Variants in RCSD1 observed in about 807,000 individuals in gnomAD.
RCSD1 encodes capZ-interacting protein.
Under a neutral mutation model 42.5 loss-of-function variants are expected in RCSD1, and 26 were observed. That is an observed-to-expected ratio of 0.61 (90% CI 0.45 to 0.85). RCSD1 has a LOEUF of 0.85. RCSD1 is among the 40% of genes least tolerant of loss of function. The pLI is 0.00. For synonymous variants in RCSD1, 220 were observed against 212.2 expected (o/e 1.04, Z -0.32); for missense variants, 571 against 528.3 (o/e 1.08, Z -0.79).
At chr1:167,679,300 G>T (rs1318137247) in intron 1 of RCSD1, among the ~76,000 whole-genome samples, 4 of 152,226 alleles carry the variant, frequency 2.6e-5, no homozygotes, top group Non-Finnish European at 5.9e-5. Context: ...ATCAAAGGCT[G>T]TAAGGACAGT....
Position 167,630,307 on chromosome 1 carries a change from C to T in RCSD1, c.-117C>T. The T allele has an allele frequency of 8.4e-7, 1 of 1,185,670 alleles. No individual in the cohort carries two copies. The allele number at this position is 1,185,670 out of a possible 1,614,324, so 73.4% of individuals were successfully genotyped here. A position where few individuals can be genotyped will look rare whatever the true frequency, so the allele number is the denominator to read the frequency against. ...CGGGCGCGCGCCACCGCCCACTCGC[C>T]CTGTGCCCGCCGCAGCCCGAAACTG... On this transcript the variant is annotated 5_prime_UTR_variant, in exon 1 of 7. Coordinates refer to ENST00000367854, the MANE Select transcript of RCSD1 (RefSeq NM_052862.4).
intron 1 of RCSD1, among the ~76,000 whole-genome samples, chr1:167,635,777 GCCAT>G (rs1255631825): frequency 1.3e-5 from 2 of 152,162 alleles, no homozygotes; most frequent in Non-Finnish European, 2.9e-5. Context: ...ACTGCCCTCT[GCCAT>G]ATGGTAAAGG....
At chr1:167,667,538 G>C (rs1271707147) in intron 1 of RCSD1, among the ~76,000 whole-genome samples, 1 of 152,310 alleles carries the variant, frequency 6.6e-6, no homozygotes, top group African/African-American at 2.4e-5. Context: ...TCTAGGATAG[G>C]TTGGGTTGTT....
At chr1:167,689,709 A>C (rs1345951410) in intron 3 of RCSD1, among the ~76,000 whole-genome samples, 1 of 152,106 alleles carries the variant, frequency 6.6e-6, no homozygotes, top group East Asian at 1.9e-4. Flanking sequence ...CAAATTGTTG[A>C]TTCACAGTGT....
At chr1:167,690,688 A>C (rs1659355309) in intron 4 of RCSD1, among the ~76,000 whole-genome samples, 1 of 152,056 alleles carries the variant, frequency 6.6e-6, no homozygotes, top group African/African-American at 2.4e-5. Flanking sequence ...AACGAAAAGA[A>C]AAAAAAAGAG....
chr1:167,651,763 G>A (rs1658312962), intron 1 of RCSD1, among the ~76,000 whole-genome samples: 1 of 152,192 alleles, frequency 6.6e-6, no homozygotes. Flanking sequence ...CCAAGACAGA[G>A]GAGAAGAGGG....
intron 1 of RCSD1, among the ~76,000 whole-genome samples, chr1:167,679,583 C>T (rs1180931239): frequency 6.6e-6 from 1 of 152,234 alleles, no homozygotes; most frequent in East Asian, 1.9e-4. Context: ...AAGAAGCAAA[C>T]ATACCTCAGA....
Position 167,694,165 on chromosome 1 carries a change from G to A in RCSD1, c.337G>A (p.Ala113Thr). The A allele has an allele frequency of 6.2e-7, 1 of 1,614,198 alleles. No homozygotes were observed. Among genetic ancestry groups the A allele is most frequent in the Non-Finnish European group, 8.5e-7 (1 of 1,180,042 alleles). The change falls in exon 5 of 7, where the codon GCT (alanine) becomes ACT (threonine). Residue 113 changes from alanine (A) to threonine (T), a missense_variant. Transcript: ENST00000367854. The stretch of plus-strand genomic sequence containing the variant: ...CTCACCCAAGAGTCCTGGACTCAAG[G>A]CTATGGTGTCGCCATTTCACAGCCC... ...GASPKSPGLKAMVSPFHSPPS... is the reference protein window; with the variant it reads ...GASPKSPGLKTMVSPFHSPPS...
chr1:167,705,254 T>G lies in RCSD1; in HGVS notation c.*558T>G, dbSNP rs1263473983. The stretch of plus-strand genomic sequence containing the variant: ...ATTGTATCAAAACCCTAGAGACAAC[T>G]TTTCAATTTGATCCAAATTTGAACT... On this transcript the variant is annotated 3_prime_UTR_variant, in exon 7 of 7. Coordinates refer to ENST00000367854, the MANE Select transcript of RCSD1 (RefSeq NM_052862.4). 1 of 152,244 alleles carries G rather than the reference T, an allele frequency of 6.6e-6. No homozygotes were observed. Among genetic ancestry groups the G allele is most frequent in the Non-Finnish European group, 1.5e-5 (1 of 68,110 alleles). 9.4% of individuals were successfully genotyped at this position (152,244 alleles called of 1,614,324 possible).
intron 1 of RCSD1, among the ~76,000 whole-genome samples, chr1:167,669,327 C>T (rs1658746293): frequency 6.6e-6 from 1 of 152,230 alleles, no homozygotes; most frequent in Admixed American, 6.5e-5. Context: ...TCTGCCATTA[C>T]CTTGATAATG....
At chr1:167,673,182 GAGA>G (rs1261385442) in intron 1 of RCSD1, among the ~76,000 whole-genome samples, 1 of 152,218 alleles carries the variant, frequency 6.6e-6, no homozygotes, top group Non-Finnish European at 1.5e-5. Flanking sequence ...ATAAGAAGAA[GAGA>G]AGAAGAACAA....
chr1:167,704,642 T>G (rs541317251), intron 6 of RCSD1, 22 bp from the exon 7 acceptor site: 1 of 1,609,694 alleles, frequency 6.2e-7, no homozygotes, highest in South Asian at 1.1e-5. Context: ...TCCTAATTAA[T>G]TCTTTCCTCC....
intron 1 of RCSD1, among the ~76,000 whole-genome samples, chr1:167,660,979 TA>T (rs1383910505): frequency 2.0e-5 from 3 of 152,242 alleles, no homozygotes; most frequent in Admixed American, 6.5e-5. Flanking sequence ...TGAATCTTCT[TA>T]AATCTCATTG....
intron 1 of RCSD1, among the ~76,000 whole-genome samples, chr1:167,634,333 A>G (rs1188751565): frequency 1.3e-5 from 2 of 152,118 alleles, no homozygotes; most frequent in Non-Finnish European, 2.9e-5. Flanking sequence ...GGCACCAAGA[A>G]AGGCTTGTTG....
intron 1 of RCSD1, among the ~76,000 whole-genome samples, chr1:167,674,282 G>A (rs1658885803): frequency 6.6e-6 from 1 of 152,166 alleles, no homozygotes; most frequent in Non-Finnish European, 1.5e-5. Context: ...AGACTGCTCA[G>A]ATGTGTCTGC....
chr1:167,643,467 G>A (rs1484098343), intron 1 of RCSD1, among the ~76,000 whole-genome samples: 1 of 152,200 alleles, frequency 6.6e-6, no homozygotes, highest in Non-Finnish European at 1.5e-5. Context: ...GTACTTTCCC[G>A]TATCTGTTCA....
chr1:167,652,018 C>CTTTTTT (rs66622527), intron 1 of RCSD1, among the ~76,000 whole-genome samples: 44 of 108,092 alleles, frequency 4.1e-4, no homozygotes, highest in South Asian at 9.4e-4. Flanking sequence ...CTCTGTTCAT[C>CTTTTTT]TTTTTTTTTT....
intron 1 of RCSD1, among the ~76,000 whole-genome samples, chr1:167,666,068 T>G (rs1325614028): frequency 6.6e-6 from 1 of 152,208 alleles, no homozygotes; most frequent in African/African-American, 2.4e-5. Flanking sequence ...TGCCTCAGCC[T>G]CCCAAAGTGC....
Position 167,683,950 on chromosome 1 carries a change from G to A in RCSD1, c.57G>A (p.Ser19=), listed in dbSNP as rs1167892506. The change falls in exon 2 of 7, where the codon TCG becomes TCA. Residue 19 remains serine, a synonymous_variant. Transcript: ENST00000367854. ...NANVDNSASP[S]VAQLAGRFRE... ...ATGTGGACAACTCGGCGTCCCCCTC[G>A]GTGGCCCAGCTGGCCGGGCGGTTTA... The A allele has an allele frequency of 4.3e-6, 7 of 1,614,038 alleles. No individual in the cohort carries two copies. Among genetic ancestry groups the A allele is most frequent in the South Asian group, 2.2e-5 (2 of 91,088 alleles).
Sources: allele counts gnomAD v4.1 joint callset (sites outside exome capture counted in the v4.1 genomes callset), GRCh38; gene constraint gnomAD v4.1.1; transcripts MANE v1.5; gene names NCBI Gene and HGNC (gene_info 2026-07-23, HGNC 2026-07-21).